Variants in DMBT1 observed in about 807,000 individuals in gnomAD.
DMBT1 encodes the protein scavenger receptor cysteine-rich domain-containing protein DMBT1.
Under a neutral mutation model 252.9 loss-of-function variants are expected in DMBT1, and 198 were observed. The ratio of observed to expected loss-of-function variants is 0.78; its 90% CI spans 0.70 to 0.88. The LOEUF is 0.88. Among genes scored for constraint, DMBT1 ranks in the 40% least tolerant of loss-of-function variants. The pLI, the probability that DMBT1 is intolerant of heterozygous loss-of-function variation, is 0.00. For synonymous variants in DMBT1, 990 were observed against 942.7 expected (o/e 1.05, Z -0.92); for missense variants, 2,432 against 2,404.7 (o/e 1.01, Z -0.24).
At chr10:122,573,211 G>T (rs937099305) in intron 5 of DMBT1, among the ~76,000 whole-genome samples, 2 of 152,226 alleles carry the variant, frequency 1.3e-5, no homozygotes, top group African/African-American at 2.4e-5. Context: ...CAACCACCAA[G>T]TGGGACTGGG....
intron 1 of DMBT1, among the ~76,000 whole-genome samples, chr10:122,562,012 C>A (rs1274304753): frequency 6.6e-6 from 1 of 151,482 alleles, no homozygotes; most frequent in South Asian, 2.1e-4. Context: ...ACCTTCCCTC[C>A]CCCTCTCTTT....
At chr10:122,572,421 T>C in intron 5 of DMBT1, 60 bp downstream of exon 5, 1 of 1,599,898 alleles carries the variant, frequency 6.3e-7, no homozygotes, top group Admixed American at 1.7e-5. Flanking sequence ...CCTAGATTCA[T>C]CTCTGACCCA....
intron 2 of DMBT1, among the ~76,000 whole-genome samples, chr10:122,566,325 C>T (rs5788572): frequency 9.4e-5 from 14 of 148,542 alleles, no homozygotes; most frequent in Non-Finnish European, 1.9e-4. Context: ...TTTCTTTTTT[C>T]TTTTTGAGAT....
rs757604839 is a variant in DMBT1, at chr10:122,617,182, T to C, written c.4859-46T>C. Reference sequence around the variant, plus strand: ...AGAGAACCTTTTGTTCTGTGCCTTTTCCCTTCAAGTCTAATTCTGTCTTTT... The same window carrying C: ...AGAGAACCTTTTGTTCTGTGCCTTTCCCCTTCAAGTCTAATTCTGTCTTTT... On this transcript the variant is annotated intron_variant, in intron 39 of 55. Coordinates refer to ENST00000338354, the MANE Select transcript of DMBT1 (RefSeq NM_001377530.1). 23 of 1,591,316 alleles carry C rather than the reference T, an allele frequency of 1.4e-5. No individual in the cohort carries two copies. The South Asian group carries it at 2.2e-4, about 15-fold the overall frequency.
intron 29 of DMBT1, among the ~76,000 whole-genome samples, chr10:122,602,717 T>G: frequency 2.8e-5 from 2 of 71,940 alleles, no homozygotes; most frequent in Non-Finnish European, 2.2e-5. Flanking sequence ...GCAGCCCCCA[T>G]GAGACTGGCC....
chr10:122,624,264 C>T (rs976807231), intron 44 of DMBT1, among the ~76,000 whole-genome samples: 3 of 152,198 alleles, frequency 2.0e-5, no homozygotes, highest in African/African-American at 7.2e-5. Flanking sequence ...TGGCTCAGCA[C>T]TTGAATTGCT....
Position 122,641,681 on chromosome 10 carries a change from G to C in DMBT1, c.7352+1232G>C, listed in dbSNP as rs74879100. 8.2e-3 allele frequency among the ~76,000 whole-genome samples: 1,244 copies of C among 152,302 alleles called. 19 individuals carry two copies. The highest frequency in any genetic ancestry group is 0.028 in the African/African-American group (1,149 of 41,572). ...AATTGATTGACATTAATGAAAATGAGTGGGTGACCTTAGTTCTTCCTTGCC... is the reference window on the plus strand; with the variant it reads ...AATTGATTGACATTAATGAAAATGACTGGGTGACCTTAGTTCTTCCTTGCC... On this transcript the variant is annotated intron_variant, in intron 55 of 55. Transcript: ENST00000338354.
Position 122,632,855 on chromosome 10 carries a change from C to G in DMBT1, c.6368-6C>G, listed in dbSNP as rs2098177301. On this transcript the variant is annotated splice_polypyrimidine_tract_variant and splice_region_variant and intron_variant, in intron 50 of 55. Coordinates refer to ENST00000338354, the MANE Select transcript of DMBT1 (RefSeq NM_001377530.1). The stretch of plus-strand genomic sequence containing the variant: ...ACTGATCCTGATCTTTTCTTTTTGT[C>G]AACAGCTCCTTTTCTCAACATCACC... The G allele has an allele frequency of 1.2e-6, 2 of 1,613,692 alleles. No individual in the cohort carries two copies. Among genetic ancestry groups the G allele is most frequent in the Admixed American group, 1.7e-5 (1 of 59,992 alleles).
In DMBT1 at chr10:122,629,986, A is replaced by G. The variant is rs1431341687; in HGVS notation, c.5815A>G (p.Asn1939Asp). ...TTATCGCATAAACCTGGGCTTCAGT[A>G]ATCTGAAGTAAGTAATGCCTGGTCA... ...SGYRINLGFS[N>D]LKLEAHHNCS... The change falls in exon 47 of 56, where the codon AAT becomes GAT. Residue 1939 changes from asparagine (N) to aspartate (D), a missense_variant. Around this residue, in one of 3 missense-constraint regions of DMBT1, gnomAD observed 1,162 missense variants for 1,169.0 expected, o/e 0.99. Transcript: ENST00000338354. 6.2e-7 allele frequency: 1 copy of G among 1,613,858 alleles called. No individual in the cohort carries two copies. Among genetic ancestry groups the G allele is most frequent in the South Asian group, 1.1e-5 (1 of 91,082 alleles).
At chr10:122,577,646 G>T (rs2097724531) in intron 7 of DMBT1, among the ~76,000 whole-genome samples, 165 bp from the exon 8 acceptor site, 1 of 152,152 alleles carries the variant, frequency 6.6e-6, no homozygotes, top group African/African-American at 2.4e-5. Flanking sequence ...GGGCTGTGGG[G>T]TCCCTGAGGG....
intron 6 of DMBT1, among the ~76,000 whole-genome samples, chr10:122,575,471 A>G (rs1044657364): frequency 1.3e-5 from 2 of 152,134 alleles, no homozygotes; most frequent in African/African-American, 2.4e-5. Flanking sequence ...GTTTACTTTC[A>G]GCCCATGAGT....
Position 122,633,209 on chromosome 10 carries a change from G to A in DMBT1, c.6416G>A (p.Gly2139Asp). The change falls in exon 52 of 56, where the codon GGC becomes GAC. Residue 2139 changes from glycine to aspartate, a missense_variant. Gly to Asp is a moderately conservative substitution (Grantham distance 94). Transcript: ENST00000338354. ...TRPNTDYSCGGFLSQPSGDFS... is the reference protein window; with the variant it reads ...TRPNTDYSCGDFLSQPSGDFS... ...CTGACAGCAGATTATTCCTGCGGAG[G>A]CTTCCTATCCCAACCATCAGGGGAC... 6.2e-7 allele frequency: 1 copy of A among 1,613,982 alleles called. No individual in the cohort carries two copies. The highest frequency in any genetic ancestry group is 2.2e-5 in the East Asian group (1 of 44,882).
intron 5 of DMBT1, among the ~76,000 whole-genome samples, chr10:122,573,367 T>C (rs1238532369): frequency 6.6e-6 from 1 of 152,196 alleles, no homozygotes. Context: ...TGAATATTTG[T>C]CATTTAAGGG....
intron 25 of DMBT1, 107 bp from the exon 26 acceptor site, chr10:122,598,667 C>T (rs1283285992): frequency 1.3e-6 from 2 of 1,576,142 alleles, no homozygotes; most frequent in Non-Finnish European, 1.7e-6. Context: ...AGGTGACTGC[C>T]TGCCCAGGTG....
chr10:122,634,430 TTCTCTCTCTCTCTCTCTC>T (rs764559052), intron 52 of DMBT1, among the ~76,000 whole-genome samples: 1,307 of 74,118 alleles, frequency 0.018, 50 homozygotes, highest in African/African-American at 0.035. Context: ...TCTCTCTCTC[TTCTCTCTCTCTCTCTCTC>T]TCTCTCTCTC....
intron 5 of DMBT1, among the ~76,000 whole-genome samples, chr10:122,573,377 G>A (rs1370060991): frequency 4.6e-5 from 7 of 152,184 alleles, no homozygotes; most frequent in Non-Finnish European, 1.0e-4. Flanking sequence ...TCATTTAAGG[G>A]TGTGTTTGAG....
chr10:122,561,785 T>C (rs889897995), intron 1 of DMBT1, among the ~76,000 whole-genome samples: 1 of 151,920 alleles, frequency 6.6e-6, no homozygotes, highest in African/African-American at 2.4e-5. Context: ...TCACTGTATC[T>C]TCCTGTCTTT....
At position 122,621,399 on chromosome 10, in the gene DMBT1, G is replaced by C; in HGVS notation, c.5608+19G>C. 6.2e-7 allele frequency: 1 copy of C among 1,613,764 alleles called. No homozygotes were observed. Among genetic ancestry groups the C allele is most frequent in the Middle Eastern group, 1.7e-4 (1 of 6,056 alleles). On this transcript the variant is annotated intron_variant, in intron 44 of 55. Coordinates refer to ENST00000338354, the MANE Select transcript of DMBT1 (RefSeq NM_001377530.1). ...TGCTCAGGTGGGCCTTCAAGACCTG[G>C]GGCTCCCTCTCTTGGGGTGGAGTTT...
chr10:122,625,813 G>T (rs2098114682), intron 45 of DMBT1, 120 bp from the exon 46 acceptor site: 2 of 840,850 alleles, frequency 2.4e-6, no homozygotes, highest in Non-Finnish European at 4.1e-6. Context: ...AACTGGAATG[G>T]TCAAGGCTCT....
Sources: allele counts gnomAD v4.1 joint callset (sites outside exome capture counted in the v4.1 genomes callset), GRCh38; gene constraint gnomAD v4.1.1; regional missense constraint gnomAD v4.1.1; transcripts MANE v1.5; gene names NCBI Gene and HGNC (gene_info 2026-07-23, HGNC 2026-07-21).